Variants in PLCB1 observed in about 807,000 individuals in gnomAD.
PLCB1 encodes the protein 1-phosphatidylinositol 4,5-bisphosphate phosphodiesterase beta-1.
PLCB1 carries 46 observed loss-of-function variants against 161.8 expected under a neutral mutation model. That is an observed-to-expected ratio of 0.28 (90% CI 0.22 to 0.36). The LOEUF (loss-of-function observed/expected upper bound fraction) is 0.36, where lower values mean the gene tolerates loss of function less well. PLCB1 is among the 10% of genes least tolerant of loss of function. The pLI is 1.00. For missense variants in PLCB1, 1,016 were observed against 1,472.5 expected (o/e 0.69, Z 5.07); for synonymous variants, 517 against 503.7 (o/e 1.03, Z -0.35).
rs1987117842 is a variant in PLCB1, at chr20:8,377,250, T to C, written c.246+5800T>C. Reference sequence around the variant, plus strand: ...GGAAAGGTGTCTTGATAGGAGGCAGTTATATGAGTAGAGACATGAACTTAG... The same window carrying C: ...GGAAAGGTGTCTTGATAGGAGGCAGCTATATGAGTAGAGACATGAACTTAG... On this transcript the variant is annotated intron_variant, in intron 3 of 31. Coordinates refer to ENST00000338037, the MANE Select transcript of PLCB1 (RefSeq NM_015192.4). 2.0e-5 allele frequency among the ~76,000 whole-genome samples: 3 copies of C among 152,036 alleles called. No individual in the cohort carries two copies. The South Asian group carries it at 6.2e-4, about 32-fold the overall frequency.
intron 9 of PLCB1, among the ~76,000 whole-genome samples, chr20:8,675,530 T>G (rs941036262): frequency 1.3e-5 from 2 of 152,198 alleles, no homozygotes; most frequent in Admixed American, 6.5e-5. Flanking sequence ...TCCCATCTGA[T>G]TCACCATTAC....
At chr20:8,555,693 A>G (rs1387394001) in intron 3 of PLCB1, among the ~76,000 whole-genome samples, 3 of 152,122 alleles carry the variant, frequency 2.0e-5, no homozygotes, top group Non-Finnish European at 4.4e-5. Flanking sequence ...CCAACTGTGT[A>G]TGTCAGAGTA....
intron 3 of PLCB1, among the ~76,000 whole-genome samples, chr20:8,539,660 C>CTTTCTTTCTTTT (rs2122948865): frequency 1.1e-5 from 1 of 94,268 alleles, no homozygotes; most frequent in African/African-American, 4.4e-5. Flanking sequence ...TTCTTTCTTT[C>CTTTCTTTCTTTT]TTTCTTTCTT....
intron 2 of PLCB1, among the ~76,000 whole-genome samples, chr20:8,271,413 A>G (rs1982274093): frequency 6.6e-6 from 1 of 152,174 alleles, no homozygotes. Flanking sequence ...AATTCCTGAT[A>G]GAATTAAGAA....
In PLCB1 at chr20:8,652,586, AG is replaced by A. The variant is rs576960003; in HGVS notation, c.594+3140del. On this transcript the variant is annotated intron_variant, in intron 7 of 31. Coordinates refer to ENST00000338037, the MANE Select transcript of PLCB1 (RefSeq NM_015192.4). ...TATTTTAAACAAGCCACGGAAGAAA[AG>A]GGTTATATAAATCATAGTTGGTTCT... 3.3e-5 allele frequency: 5 copies of A among 152,236 alleles called. No homozygotes were observed. In the South Asian group the frequency reaches 1.0e-3, roughly 32 times the overall value. 9.4% of individuals were successfully genotyped at this position (152,236 alleles called of 1,614,324 possible).
At chr20:8,181,403 C>T (rs2051842617) in intron 2 of PLCB1, among the ~76,000 whole-genome samples, 1 of 151,940 alleles carries the variant, frequency 6.6e-6, no homozygotes, top group Non-Finnish European at 1.5e-5. Context: ...TTTATGATTT[C>T]TTTACCTTAT....
intron 2 of PLCB1, among the ~76,000 whole-genome samples, chr20:8,185,658 G>A (rs2123099260): frequency 6.6e-6 from 1 of 151,980 alleles, no homozygotes; most frequent in East Asian, 1.9e-4. Flanking sequence ...GAGGGGACAG[G>A]AGAGGAAGGG....
At chr20:8,275,700 T>C (rs568696830) in intron 2 of PLCB1, among the ~76,000 whole-genome samples, 1 of 152,332 alleles carries the variant, frequency 6.6e-6, no homozygotes, top group Non-Finnish European at 1.5e-5. Context: ...ATCTTCTGTC[T>C]TAACCTGAAA....
At chr20:8,197,979 G>A (rs2052045487) in intron 2 of PLCB1, among the ~76,000 whole-genome samples, 2 of 152,226 alleles carry the variant, frequency 1.3e-5, no homozygotes, top group Admixed American at 6.5e-5. Flanking sequence ...TAGATGTGTA[G>A]TATTATTTCT....
At chr20:8,577,215 G>T (rs1449259112) in intron 3 of PLCB1, among the ~76,000 whole-genome samples, 2 of 151,442 alleles carry the variant, frequency 1.3e-5, no homozygotes, top group African/African-American at 2.4e-5. Context: ...GGATCACGAG[G>T]TTGGGAGATC....
chr20:8,572,087 G>A (rs914816373), intron 3 of PLCB1, among the ~76,000 whole-genome samples: 1 of 152,048 alleles, frequency 6.6e-6, no homozygotes, highest in African/African-American at 2.4e-5. Flanking sequence ...ATTGTGCAAT[G>A]CTATTTTCAG....
In PLCB1 at chr20:8,644,703, T is replaced by TG. The variant is rs1268957184; in HGVS notation, c.385-1392dup. Among the ~76,000 whole-genome samples the TG allele has an allele frequency of 2.8e-3, 410 of 144,786 alleles. 4 individuals carry two copies. Among genetic ancestry groups the TG allele is most frequent in the African/African-American group, 9.6e-3 (368 of 38,472 alleles). The allele number at this position is 144,786 out of a possible 152,430, so 95.0% of individuals were successfully genotyped here. ...GCAGCCGCCCCGTCCGGGAGGGAGG[T>TG]GGGGGGGTCAGCCCCCCGCCCTGCC... On this transcript the variant is annotated intron_variant, in intron 4 of 31. Coordinates refer to ENST00000338037, the MANE Select transcript of PLCB1 (RefSeq NM_015192.4).
chr20:8,799,421 A>C lies in PLCB1; in HGVS notation c.3423+9160A>C, dbSNP rs142225090. On this transcript the variant is annotated intron_variant, in intron 31 of 31. Coordinates refer to ENST00000338037, the MANE Select transcript of PLCB1 (RefSeq NM_015192.4). ...CACGGATGGAAAACCTTTTGGGTTT[A>C]TTTCCACTTCTACTTCTGTGTGCCT... 2.6e-3 allele frequency among the ~76,000 whole-genome samples: 398 copies of C among 152,270 alleles called. 1 individual carries two copies. Among genetic ancestry groups the C allele is most frequent in the Admixed American group, 3.7e-3 (57 of 15,308 alleles).
chr20:8,789,797 T>C (rs1983663916), intron 30 of PLCB1, among the ~76,000 whole-genome samples: 1 of 152,216 alleles, frequency 6.6e-6, no homozygotes, highest in South Asian at 2.1e-4. Context: ...AGTCAAGTCA[T>C]TTCCAAAGTC....
intron 3 of PLCB1, among the ~76,000 whole-genome samples, chr20:8,510,814 A>C (rs1983854160): frequency 6.6e-6 from 1 of 152,194 alleles, no homozygotes; most frequent in Non-Finnish European, 1.5e-5. Context: ...GAGGGTTTTT[A>C]CTAGGACTTT....
chr20:8,803,425 C>A (rs1232966529), intron 31 of PLCB1, among the ~76,000 whole-genome samples: 1 of 131,284 alleles, frequency 7.6e-6, no homozygotes, highest in Admixed American at 9.2e-5. Flanking sequence ...CAAGCCTGGG[C>A]CTTTGATTTT....
rs992022665 is a variant in PLCB1 at position 8,441,218 on chromosome 20, T to C, written c.246+69768T>C. ...GTAAAGTAGTAACATTGTTTATTCA[T>C]TGGCATTAGGCATCTATGGTTAGCT... On this transcript the variant is annotated intron_variant, in intron 3 of 31. Transcript: ENST00000338037. 3.9e-5 allele frequency among the ~76,000 whole-genome samples: 6 copies of C among 152,308 alleles called. No individual in the cohort carries two copies. In the Middle Eastern group the frequency reaches 0.014, roughly 345 times the overall value.
At chr20:8,782,373 A>T (rs1016480610) in intron 27 of PLCB1, among the ~76,000 whole-genome samples, 9 of 152,054 alleles carry the variant, frequency 5.9e-5, no homozygotes, top group Non-Finnish European at 1.3e-4. Flanking sequence ...TCCCATATAA[A>T]CATCTTCCTT....
Position 8,801,515 on chromosome 20 carries a change from G to T in PLCB1, c.3423+11254G>T, listed in dbSNP as rs540841132. On this transcript the variant is annotated intron_variant, in intron 31 of 31. Coordinates refer to ENST00000338037, the MANE Select transcript of PLCB1 (RefSeq NM_015192.4). ...GGCTTTGTCTGTTTCGTTCCCTGAC[G>T]CTCTTGAGTTCCAGACATCCAAGAA... Among the ~76,000 whole-genome samples, 3 of 152,262 alleles carry T rather than the reference G, an allele frequency of 2.0e-5. No homozygotes were observed. In the East Asian group the frequency reaches 5.8e-4, roughly 29 times the overall value.
Sources: gnomAD v4.1 joint callset for allele counts (sites outside exome capture counted in the v4.1 genomes callset) on GRCh38, gnomAD v4.1.1 for gene constraint, MANE v1.5 for transcripts, NCBI Gene and HGNC (gene_info 2026-07-23, HGNC 2026-07-21) for gene names.